YEATS2: variants seen among roughly 807,000 people sequenced by gnomAD.
YEATS2 encodes YEATS domain-containing protein 2.
In YEATS2, 77 loss-of-function variants were observed where a neutral mutation model predicts 163.2. That is an observed-to-expected ratio of 0.47 (90% CI 0.39 to 0.57). The LOEUF (loss-of-function observed/expected upper bound fraction) is 0.57, where lower values mean the gene tolerates loss of function less well. Among genes scored for constraint, YEATS2 ranks in the 20% least tolerant of loss-of-function variants. The pLI is 0.00. For synonymous variants in YEATS2, 631 were observed against 645.1 expected (o/e 0.98, Z 0.33); for missense variants, 1,549 against 1,729.8 (o/e 0.90, Z 1.85).
chr3:183,775,773 G>C, intron 17 of YEATS2, 142 bp from the exon 18 acceptor site: 1 of 1,264,066 alleles, frequency 7.9e-7, no homozygotes, highest in South Asian at 1.3e-5. Flanking sequence ...AGGGTAGGTA[G>C]ATTACAGAAA....
At chr3:183,715,539 G>A (rs1008429322) in intron 2 of YEATS2, among the ~76,000 whole-genome samples, 10 of 152,168 alleles carry the variant, frequency 6.6e-5, no homozygotes, top group Admixed American at 6.6e-4. Flanking sequence ...TAAAGTCTAT[G>A]ATATGTATAA....
At chr3:183,722,181 A>G (rs765589612) in intron 5 of YEATS2, 45 bp downstream of exon 5, 3 of 1,552,720 alleles carry the variant, frequency 1.9e-6, no homozygotes, top group Non-Finnish European at 2.6e-6. Flanking sequence ...GGAGAAGGGA[A>G]CTATATTTAC....
chr3:183,792,856 A>G (rs1724791239), intron 21 of YEATS2, among the ~76,000 whole-genome samples: 1 of 152,122 alleles, frequency 6.6e-6, no homozygotes, highest in Admixed American at 6.5e-5. Flanking sequence ...TTTGACCTCC[A>G]TTGACAGCCT....
intron 11 of YEATS2, among the ~76,000 whole-genome samples, chr3:183,755,616 C>T (rs1016278425): frequency 3.3e-5 from 5 of 151,940 alleles, no homozygotes; most frequent in African/African-American, 1.2e-4. Flanking sequence ...TTCTGGGTTA[C>T]GGCTGTGACA....
rs1285389001 is a variant in YEATS2, at chr3:183,736,706, G to C, written c.813-12G>C. The stretch of plus-strand genomic sequence containing the variant: ...AACATGGATGAACGTGTTAATATCT[G>C]CTTTTCCATAGAGAGCCTCCTTTTC... On this transcript the variant is annotated splice_polypyrimidine_tract_variant and intron_variant, in intron 7 of 30. Coordinates refer to ENST00000305135, the MANE Select transcript of YEATS2 (RefSeq NM_018023.5). 3 of 1,607,942 alleles carry C rather than the reference G, an allele frequency of 1.9e-6. No individual in the cohort carries two copies. The highest frequency in any genetic ancestry group is 2.2e-5 in the East Asian group (1 of 44,732).
chr3:183,782,638 G>A (rs1389624305), intron 19 of YEATS2, among the ~76,000 whole-genome samples: 1 of 152,088 alleles, frequency 6.6e-6, no homozygotes, highest in African/African-American at 2.4e-5. Context: ...GGGCCAGGCT[G>A]GTCTCGAACT....
chr3:183,806,145 G>C (rs1047812906), intron 27 of YEATS2: 2 of 375,416 alleles, frequency 5.3e-6, no homozygotes, highest in Non-Finnish European at 1.0e-5. Flanking sequence ...GCCTTGTCCA[G>C]ATAAGGCCAT....
At chr3:183,788,190 G>A (rs2119349) in intron 20 of YEATS2, among the ~76,000 whole-genome samples, 1 of 151,638 alleles carries the variant, frequency 6.6e-6, no homozygotes, top group Non-Finnish European at 1.5e-5. Context: ...AAATATATAA[G>A]AAATTATTGT....
intron 1 of YEATS2, 34 bp from the exon 2 acceptor site, chr3:183,715,110 A>G: frequency 7.3e-7 from 1 of 1,370,854 alleles, no homozygotes; most frequent in Non-Finnish European, 1.0e-6. Context: ...TTAACTGAAT[A>G]ATTAAAAATT....
At chr3:183,743,026 ATACT>A (rs1196707381) in intron 8 of YEATS2, among the ~76,000 whole-genome samples, 1 of 152,258 alleles carries the variant, frequency 6.6e-6, no homozygotes, top group Non-Finnish European at 1.5e-5. Context: ...ATGCTGTTAC[ATACT>A]TAATAGATGA....
At chr3:183,804,984 G>A (rs559147300) in intron 27 of YEATS2, among the ~76,000 whole-genome samples, 44 of 150,758 alleles carry the variant, frequency 2.9e-4, no homozygotes, top group African/African-American at 8.5e-4. Flanking sequence ...GCAAGACTCC[G>A]TCTCAAAAAA....
chr3:183,722,159 G>C, intron 5 of YEATS2, 23 bp downstream of exon 5: 1 of 1,601,468 alleles, frequency 6.2e-7, no homozygotes, highest in Non-Finnish European at 8.5e-7. Flanking sequence ...GTGGATGTGG[G>C]AGGGAGCCAC....
chr3:183,774,489 C>G (rs1461663033), intron 17 of YEATS2, among the ~76,000 whole-genome samples: 1 of 152,102 alleles, frequency 6.6e-6, no homozygotes, highest in Non-Finnish European at 1.5e-5. Context: ...TGCCACAAAG[C>G]TTGGGGACAG....
chr3:183,737,145 G>T (rs73064310), intron 8 of YEATS2, among the ~76,000 whole-genome samples: 27 of 152,224 alleles, frequency 1.8e-4, no homozygotes, highest in African/African-American at 6.5e-4. Flanking sequence ...TCATTAAATG[G>T]AAGTGGATCA....
At chr3:183,806,560 T>G (rs1296618335) in intron 27 of YEATS2, 1 of 457,078 alleles carries the variant, frequency 2.2e-6, no homozygotes, top group Non-Finnish European at 4.1e-6. Flanking sequence ...AAAAATCAGG[T>G]CAGTCCTTAA....
chr3:183,806,456 G>A (rs1292177716), intron 27 of YEATS2: 2 of 457,360 alleles, frequency 4.4e-6, no homozygotes, highest in Non-Finnish European at 8.8e-6. Context: ...ACATTGAAAT[G>A]TTAACAGTCC....
At chr3:183,716,910 CT>C (rs752181366) in intron 2 of YEATS2, among the ~76,000 whole-genome samples, 104 of 142,518 alleles carry the variant, frequency 7.3e-4, no homozygotes, top group Admixed American at 6.4e-4. Flanking sequence ...TTGTTTGTGT[CT>C]TTTTTTTTTT....
chr3:183,768,046 A>C (rs1722086565), intron 15 of YEATS2, among the ~76,000 whole-genome samples: 1 of 152,248 alleles, frequency 6.6e-6, no homozygotes, highest in Non-Finnish European at 1.5e-5. Context: ...GTTATTTGAT[A>C]TGTTTGGGAG....
chr3:183,753,807 A>AT (rs1409980228), intron 10 of YEATS2, among the ~76,000 whole-genome samples: 1 of 152,128 alleles, frequency 6.6e-6, no homozygotes, highest in Non-Finnish European at 1.5e-5. Context: ...GCTTTCTAAG[A>AT]TTTTTTCTTC....
Sources: gnomAD v4.1 joint callset for allele counts (sites outside exome capture counted in the v4.1 genomes callset) on GRCh38, gnomAD v4.1.1 for gene constraint, MANE v1.5 for transcripts, NCBI Gene and HGNC (gene_info 2026-07-23, HGNC 2026-07-21) for gene names.